Variants in VPS13B observed in about 807,000 individuals in gnomAD.
The protein encoded by VPS13B is intermembrane lipid transfer protein VPS13B.
Under a neutral mutation model 426.4 loss-of-function variants are expected in VPS13B, and 285 were observed. That is an observed-to-expected ratio of 0.67 (90% confidence interval 0.61 to 0.74). VPS13B has a LOEUF of 0.74. Among genes scored for constraint, VPS13B ranks in the 30% least tolerant of loss-of-function variants. The pLI, the probability that VPS13B is intolerant of heterozygous loss-of-function variation, is 0.00. For synonymous variants in VPS13B, 1,676 were observed against 1,676.4 expected (o/e 1.00, Z 0.01); for missense variants, 4,537 against 4,782.6 (o/e 0.95, Z 1.51).
chr8:99,331,710 T>G (rs1810553773), intron 19 of VPS13B, among the ~76,000 whole-genome samples: 2 of 151,736 alleles, frequency 1.3e-5, no homozygotes, highest in South Asian at 4.1e-4. Flanking sequence ...TTGGTGATGT[T>G]GGTTTGGTGT....
chr8:99,424,422 A>G (rs1002219529), intron 21 of VPS13B: 15 of 152,158 alleles, frequency 9.9e-5, no homozygotes, highest in African/African-American at 3.1e-4. Flanking sequence ...AAACCACTCA[A>G]CTACATGGAA....
chr8:99,774,144 A>T (rs1811637291), intron 40 of VPS13B, among the ~76,000 whole-genome samples: 1 of 152,202 alleles, frequency 6.6e-6, no homozygotes, highest in African/African-American at 2.4e-5. Context: ...ATGTAAAATA[A>T]AGTTGTATTC....
intron 19 of VPS13B, among the ~76,000 whole-genome samples, chr8:99,333,053 A>G (rs1216083640): frequency 6.6e-6 from 1 of 151,768 alleles, no homozygotes; most frequent in Non-Finnish European, 1.5e-5. Flanking sequence ...AGTCTTTTTA[A>G]ATAATAGTAC....
intron 3 of VPS13B, among the ~76,000 whole-genome samples, chr8:99,082,149 C>T (rs1845513230): frequency 2.0e-5 from 3 of 152,170 alleles, no homozygotes; most frequent in Admixed American, 6.5e-5. Context: ...TTAATGAGTG[C>T]CATTCTAACT....
intron 17 of VPS13B, among the ~76,000 whole-genome samples, chr8:99,225,702 A>T (rs1815978527): frequency 6.6e-6 from 1 of 152,056 alleles, no homozygotes; most frequent in Admixed American, 6.5e-5. Flanking sequence ...TTGTGTTACC[A>T]TGCTTTTGTT....
At chr8:99,639,267 A>G (rs1024083751) in intron 33 of VPS13B, among the ~76,000 whole-genome samples, 1 of 152,198 alleles carries the variant, frequency 6.6e-6, no homozygotes, top group Non-Finnish European at 1.5e-5. Context: ...AGTAAAATAT[A>G]TCATATAATA....
At chr8:99,753,855 T>C (rs907507615) in intron 39 of VPS13B, among the ~76,000 whole-genome samples, 1 of 152,180 alleles carries the variant, frequency 6.6e-6, no homozygotes, top group Non-Finnish European at 1.5e-5. Flanking sequence ...GAAGGCAGTC[T>C]TGATGCAATG....
chr8:99,490,038 G>T (rs1354226787), intron 25 of VPS13B, among the ~76,000 whole-genome samples: 1 of 152,092 alleles, frequency 6.6e-6, no homozygotes, highest in African/African-American at 2.4e-5. Flanking sequence ...TTGGCTGTGG[G>T]TTTGTCATAA....
At position 99,369,720 on chromosome 8, in the gene VPS13B, A is replaced by G. The variant is rs558034978; in HGVS notation, c.2825-14488A>G. ...GGGGATACTAACTTCATGGGCTACAATGTTGAAACAACTAGGGTTTTAAGT... is the reference window on the plus strand; with the variant it reads ...GGGGATACTAACTTCATGGGCTACAGTGTTGAAACAACTAGGGTTTTAAGT... On this transcript the variant is annotated intron_variant, in intron 19 of 61. Transcript: ENST00000357162. 3.3e-5 allele frequency among the ~76,000 whole-genome samples: 5 copies of G among 152,346 alleles called. No individual in the cohort carries two copies. The East Asian group carries it at 9.6e-4, about 29-fold the overall frequency.
intron 35 of VPS13B, among the ~76,000 whole-genome samples, chr8:99,680,797 G>A (rs536279453): frequency 1.3e-5 from 2 of 152,272 alleles, no homozygotes; most frequent in Middle Eastern, 3.4e-3. Context: ...GTAACAGTCT[G>A]TGCCTGGTTC....
intron 54 of VPS13B, among the ~76,000 whole-genome samples, chr8:99,846,048 CAGA>C (rs746333251): frequency 1.4e-4 from 21 of 152,156 alleles, no homozygotes; most frequent in Non-Finnish European, 2.1e-4. Flanking sequence ...GCTCTATTCC[CAGA>C]AGGAGAGAAG....
intron 34 of VPS13B, among the ~76,000 whole-genome samples, chr8:99,657,729 AT>A (rs1192008796): frequency 6.6e-6 from 1 of 152,108 alleles, no homozygotes; most frequent in Non-Finnish European, 1.5e-5. Context: ...AATATTTCAA[AT>A]GATGTTGCAG....
intron 21 of VPS13B, among the ~76,000 whole-genome samples, chr8:99,408,339 G>A (rs960466817): frequency 2.0e-5 from 3 of 152,084 alleles, no homozygotes; most frequent in African/African-American, 7.2e-5. Context: ...TGGTAACTTT[G>A]CCAGGTAGTA....
chr8:99,500,785 A>G (rs886944994), intron 25 of VPS13B, among the ~76,000 whole-genome samples: 2 of 152,208 alleles, frequency 1.3e-5, no homozygotes, highest in African/African-American at 2.4e-5. Context: ...CTTCATAGCT[A>G]ATCCTAAAAG....
chr8:99,088,475 G>C lies in VPS13B; in HGVS notation c.292-7837G>C, dbSNP rs78555282. On this transcript the variant is annotated intron_variant, in intron 3 of 61. Coordinates refer to ENST00000357162, the MANE Select transcript of VPS13B (RefSeq NM_152564.5). ...GGGAATAAAGGACAGAGGATTTTGGGGGAAACAATGGGAGAAGGGGAAAAA... is the reference window on the plus strand; with the variant it reads ...GGGAATAAAGGACAGAGGATTTTGGCGGAAACAATGGGAGAAGGGGAAAAA... Among the ~76,000 whole-genome samples the C allele has an allele frequency of 1.4e-3, 217 of 152,252 alleles. 2 individuals carry two copies. The highest frequency in any genetic ancestry group is 0.011 in the East Asian group (55 of 5,180).
At chr8:99,841,987 T>G (rs113418230) in intron 54 of VPS13B, among the ~76,000 whole-genome samples, 5,269 of 152,218 alleles carry the variant, frequency 0.035, 103 homozygotes, top group Non-Finnish European at 0.041. Context: ...CTGAGACCAA[T>G]CAGGCCCCGT....
chr8:99,277,713 C>G (rs1417968156), intron 19 of VPS13B, among the ~76,000 whole-genome samples: 1 of 152,128 alleles, frequency 6.6e-6, no homozygotes. Flanking sequence ...TAGTACTTAT[C>G]AGAATCTACC....
chr8:99,466,333 A>G (rs1358988336), intron 23 of VPS13B, among the ~76,000 whole-genome samples: 1 of 152,146 alleles, frequency 6.6e-6, no homozygotes, highest in Non-Finnish European at 1.5e-5. Context: ...ATTAGAAAAT[A>G]AATGTCCTCA....
At chr8:99,038,889 G>A (rs983765522) in intron 3 of VPS13B, among the ~76,000 whole-genome samples, 1 of 151,890 alleles carries the variant, frequency 6.6e-6, no homozygotes, top group African/African-American at 2.4e-5. Flanking sequence ...GTTTCACTAT[G>A]TTGGCCAGGA....
Sources: allele counts gnomAD v4.1 joint callset (sites outside exome capture counted in the v4.1 genomes callset), GRCh38; gene constraint gnomAD v4.1.1; transcripts MANE v1.5; gene names NCBI Gene and HGNC (gene_info 2026-07-23, HGNC 2026-07-21).